ST3GAL3: variants seen among roughly 807,000 people sequenced by gnomAD.
ST3GAL3 encodes the protein CMP-N-acetylneuraminate-beta-1,4-galactoside alpha-2,3-sialyltransferase.
ST3GAL3 carries 21 observed loss-of-function variants against 50.1 expected under a neutral mutation model. The ratio of observed to expected loss-of-function variants is 0.42; its 90% CI spans 0.30 to 0.60. The LOEUF is 0.60. ST3GAL3 is among the 20% of genes least tolerant of loss of function. The pLI, the probability that ST3GAL3 is intolerant of heterozygous loss-of-function variation, is 0.19. For synonymous variants in ST3GAL3, 183 were observed against 190.0 expected (o/e 0.96, Z 0.30); for missense variants, 353 against 489.4 (o/e 0.72, Z 2.63).
chr1:43,852,394 A>C (rs1313055960), intron 5 of ST3GAL3, among the ~76,000 whole-genome samples: 1 of 151,770 alleles, frequency 6.6e-6, no homozygotes, highest in Non-Finnish European at 1.5e-5. Context: ...ACACTCCATT[A>C]CTCTTTCCCC....
At position 43,805,937 on chromosome 1, in the gene ST3GAL3, T is replaced by G. The variant is rs891036671; in HGVS notation, c.167-8954T>G. ...TTTTAGTAGAAACGGGGTTTCACCG[T>G]GTTGGTCAGGCTGGTCTTTAACTCC... On this transcript the variant is annotated intron_variant, in intron 3 of 11. Transcript: ENST00000347631. Among the ~76,000 whole-genome samples the G allele has an allele frequency of 3.3e-5, 5 of 152,126 alleles. No homozygotes were observed. The South Asian group carries it at 1.0e-3, about 32-fold the overall frequency.
chr1:43,802,239 A>G (rs1370655245), intron 3 of ST3GAL3, among the ~76,000 whole-genome samples: 2 of 152,200 alleles, frequency 1.3e-5, no homozygotes, highest in Admixed American at 6.5e-5. Context: ...ATACTCAGTT[A>G]TCATCAAAAA....
chr1:43,758,824 C>T lies in ST3GAL3; in HGVS notation c.118+22444C>T, dbSNP rs114769921. Among the ~76,000 whole-genome samples the T allele has an allele frequency of 9.9e-3, 1,495 of 151,090 alleles. 27 individuals carry two copies. The highest frequency in any genetic ancestry group is 0.034 in the African/African-American group (1,399 of 41,172). On this transcript the variant is annotated intron_variant, in intron 2 of 11. Transcript: ENST00000347631. ...GGAGGATCATTTGAGGCTAGGAGTT[C>T]GAGACCAGCCTGGGCAACATAGCAA...
intron 1 of ST3GAL3, among the ~76,000 whole-genome samples, chr1:43,709,962 T>C (rs1394677795): frequency 6.6e-6 from 1 of 152,022 alleles, no homozygotes; most frequent in East Asian, 1.9e-4. Context: ...CTACTTGGAA[T>C]AACAGTTCTC....
intron 9 of ST3GAL3, among the ~76,000 whole-genome samples, chr1:43,909,990 A>G (rs1011792916): frequency 6.6e-6 from 1 of 152,250 alleles, no homozygotes; most frequent in Non-Finnish European, 1.5e-5. Flanking sequence ...GATGCTGCCA[A>G]GAGTGCAGTG....
intron 1 of ST3GAL3, among the ~76,000 whole-genome samples, chr1:43,713,072 T>C (rs1665580215): frequency 6.6e-6 from 1 of 152,198 alleles, no homozygotes; most frequent in South Asian, 2.1e-4. Context: ...GCATCCATAG[T>C]ACCATGCCTA....
At chr1:43,846,166 T>C (rs2154208337) in intron 5 of ST3GAL3, among the ~76,000 whole-genome samples, 1 of 152,318 alleles carries the variant, frequency 6.6e-6, no homozygotes, top group South Asian at 2.1e-4. Flanking sequence ...ATGTGTCTAG[T>C]TTCCTGTATC....
At chr1:43,901,350 G>A (rs1029661328) in intron 9 of ST3GAL3, among the ~76,000 whole-genome samples, 1 of 152,170 alleles carries the variant, frequency 6.6e-6, no homozygotes, top group African/African-American at 2.4e-5. Context: ...AAATGATCTG[G>A]AATTGGCTCA....
intron 2 of ST3GAL3, among the ~76,000 whole-genome samples, chr1:43,783,894 T>G (rs1700141188): frequency 6.6e-6 from 1 of 152,192 alleles, no homozygotes; most frequent in Non-Finnish European, 1.5e-5. Context: ...AGCAGTTTCT[T>G]CCTCAATTTC....
chr1:43,815,898 G>A lies in ST3GAL3; in HGVS notation c.209+965G>A, dbSNP rs143720470. Among the ~76,000 whole-genome samples the A allele has an allele frequency of 1.5e-4, 22 of 151,720 alleles. No homozygotes were observed. The East Asian group carries it at 4.3e-3, about 29-fold the overall frequency. ...GAATGCTTGGTTGGATGGATGGATGGATGGATGGATGGATGGATGGATGGA... is the reference window on the plus strand; with the variant it reads ...GAATGCTTGGTTGGATGGATGGATGAATGGATGGATGGATGGATGGATGGA... On this transcript the variant is annotated intron_variant, in intron 4 of 11. Coordinates refer to ENST00000347631, the MANE Select transcript of ST3GAL3 (RefSeq NM_006279.5).
At chr1:43,852,039 C>A (rs1268055349) in intron 5 of ST3GAL3, among the ~76,000 whole-genome samples, 1 of 152,162 alleles carries the variant, frequency 6.6e-6, no homozygotes, top group Non-Finnish European at 1.5e-5. Context: ...CTTCCCTGAG[C>A]CCACCTAGTC....
At chr1:43,827,910 C>T (rs778017147) in intron 4 of ST3GAL3, among the ~76,000 whole-genome samples, 4 of 151,976 alleles carry the variant, frequency 2.6e-5, no homozygotes, top group Non-Finnish European at 4.4e-5. Flanking sequence ...CAACAACTTA[C>T]GTTAAAATTT....
chr1:43,817,766 T>TTCTTTA (rs151085469), intron 4 of ST3GAL3, among the ~76,000 whole-genome samples: 1 of 81,760 alleles, frequency 1.2e-5, no homozygotes, highest in African/African-American at 4.3e-5. Context: ...CTTCTTCCTC[T>TTCTTTA]TCTTCTTCTC....
At chr1:43,871,457 A>G (rs1318061024) in intron 5 of ST3GAL3, among the ~76,000 whole-genome samples, 17 of 100,404 alleles carry the variant, frequency 1.7e-4, no homozygotes, top group South Asian at 3.9e-4. Context: ...GCATGTGAAG[A>G]AGAGGATGGG....
At chr1:43,817,754 C>T (rs549998056) in intron 4 of ST3GAL3, among the ~76,000 whole-genome samples, 1 of 31,444 alleles carries the variant, frequency 3.2e-5, no homozygotes, top group Non-Finnish European at 8.8e-5. Context: ...CTTCTTCCTC[C>T]TCTTCTTCCT....
At chr1:43,928,589 G>T (rs568129455) in intron 11 of ST3GAL3, among the ~76,000 whole-genome samples, 14 of 141,606 alleles carry the variant, frequency 9.9e-5, no homozygotes, top group South Asian at 2.3e-4. Context: ...AACAGAGCAA[G>T]ACACCATCTG....
chr1:43,725,188 T>TTTTTCTTTTTTC (rs1313177376), intron 1 of ST3GAL3, among the ~76,000 whole-genome samples: 4 of 152,014 alleles, frequency 2.6e-5, no homozygotes, highest in Admixed American at 2.6e-4. Context: ...CCTGCATGCT[T>TTTTTCTTTTTTC]TTTTCTTTTT....
intron 2 of ST3GAL3, among the ~76,000 whole-genome samples, chr1:43,763,424 ATTCT>A (rs1358883133): frequency 4.4e-4 from 67 of 152,140 alleles, no homozygotes; most frequent in Admixed American, 2.7e-3. Context: ...GTATTCTGTT[ATTCT>A]TTCTAACTTT....
At chr1:43,730,200 A>G (rs1674991722) in intron 1 of ST3GAL3, among the ~76,000 whole-genome samples, 1 of 152,248 alleles carries the variant, frequency 6.6e-6, no homozygotes, top group African/African-American at 2.4e-5. Flanking sequence ...GAAATAAAAC[A>G]GGTGATTACT....
Sources: allele counts gnomAD v4.1 joint callset (sites outside exome capture counted in the v4.1 genomes callset), GRCh38; gene constraint gnomAD v4.1.1; transcripts MANE v1.5; gene names NCBI Gene and HGNC (gene_info 2026-07-23, HGNC 2026-07-21).